The following WASHC2A variants were observed in gnomAD, a reference collection of about 807,000 sequenced individuals.
WASHC2A encodes WASH complex subunit FAM21A.
A neutral mutation model predicts 140.3 loss-of-function variants in WASHC2A; 82 were observed. That is an observed-to-expected ratio of 0.58 (90% CI 0.49 to 0.70). WASHC2A has a LOEUF of 0.70. WASHC2A is among the 30% of genes least tolerant of loss of function. The probability of loss-of-function intolerance (pLI) is 0.00; values close to 1 mark genes in which losing one functional copy is unlikely to be tolerated. For synonymous variants in WASHC2A, 340 were observed against 560.8 expected (o/e 0.61, Z 5.56); for missense variants, 985 against 1,521.8 (o/e 0.65, Z 5.87).
intron 20 of WASHC2A, among the ~76,000 whole-genome samples, chr10:50,110,749 C>T (rs1363924601): frequency 1.3e-4 from 19 of 151,568 alleles, no homozygotes; most frequent in African/African-American, 2.7e-4. Context: ...AAAAATTAGC[C>T]GGGTGTGGTG....
chr10:50,081,639 C>CT (rs576698406), intron 5 of WASHC2A, among the ~76,000 whole-genome samples: 77 of 139,802 alleles, frequency 5.5e-4, no homozygotes, highest in East Asian at 6.2e-4. Context: ...GAACCAAACC[C>CT]TTTTTTTTTT....
At chr10:50,101,967 G>A (rs1411251640) in intron 17 of WASHC2A, among the ~76,000 whole-genome samples, 1 of 152,178 alleles carries the variant, frequency 6.6e-6, no homozygotes, top group African/African-American at 2.4e-5. Flanking sequence ...GAGAGAGCCC[G>A]ATGGAGGCCA....
intron 30 of WASHC2A, 70 bp downstream of exon 30, chr10:50,131,148 C>A: frequency 1.9e-6 from 3 of 1,611,636 alleles, no homozygotes; most frequent in Non-Finnish European, 2.5e-6. Context: ...TTTCTTGCTA[C>A]CTTTTCTTGG....
In WASHC2A at chr10:50,084,160, G is replaced by T. The variant is rs1437377151; in HGVS notation, c.617G>T (p.Ser206Ile). ...QEDVGLGELS[S>I]EEGSVGSDRG... Reference sequence around the variant, plus strand: ...GATGTAGGTCTTGGAGAGCTGTCCAGTGAAGGTACTTTTCTTCACCAAATA... The same window carrying T: ...GATGTAGGTCTTGGAGAGCTGTCCATTGAAGGTACTTTTCTTCACCAAATA... The change falls in exon 6 of 31, where the codon AGT becomes ATT. Residue 206 changes from serine to isoleucine, a missense_variant. Physicochemically the swap from Ser to Ile is moderately radical, Grantham distance 142. Transcript: ENST00000282633. The T allele has an allele frequency of 2.5e-6, 4 of 1,611,282 alleles. No individual in the cohort carries two copies. In the African/African-American group the frequency reaches 5.4e-5, roughly 22 times the overall value.
At chr10:50,112,118 C>A (rs1261150201) in intron 20 of WASHC2A, 1 of 984,866 alleles carries the variant, frequency 1.0e-6, no homozygotes, top group Non-Finnish European at 1.2e-6. Context: ...CATACCCCAA[C>A]ACCCTCAGCT....
intron 23 of WASHC2A, among the ~76,000 whole-genome samples, chr10:50,124,153 G>T (rs1843218944): frequency 6.6e-6 from 1 of 152,068 alleles, no homozygotes; most frequent in South Asian, 2.1e-4. Flanking sequence ...TGCCCAGGCT[G>T]GAGTGCAGTG....
At chr10:50,129,325 C>G (rs1843722672) in intron 28 of WASHC2A, 94 bp from the exon 29 acceptor site, 1 of 1,602,988 alleles carries the variant, frequency 6.2e-7, no homozygotes, top group Admixed American at 1.7e-5. Flanking sequence ...GACCAGATAA[C>G]CTTACAATAT....
At chr10:50,109,716 A>C (rs1479731239) in intron 19 of WASHC2A, among the ~76,000 whole-genome samples, 13 of 152,194 alleles carry the variant, frequency 8.5e-5, no homozygotes, top group African/African-American at 2.7e-4. Context: ...ACTTAGTTTA[A>C]CAAATATAAG....
chr10:50,126,378 A>G (rs1252641932), intron 26 of WASHC2A, 199 bp downstream of exon 26: 12 of 692,568 alleles, frequency 1.7e-5, no homozygotes, highest in Non-Finnish European at 2.6e-5. Context: ...TCATGAATCT[A>G]TACTTTAATA....
intron 3 of WASHC2A, among the ~76,000 whole-genome samples, chr10:50,076,986 A>G (rs1364362639): frequency 3.9e-5 from 6 of 151,954 alleles, no homozygotes; most frequent in Admixed American, 6.6e-5. Flanking sequence ...CATGGGTGGC[A>G]GGCACCTGTA....
At position 50,082,058 on chromosome 10, in the gene WASHC2A, GTA is replaced by G. The variant is rs573972009; in HGVS notation, c.528+1129_528+1130del. On this transcript the variant is annotated intron_variant, in intron 5 of 30. Transcript: ENST00000282633. ...TACACTTGCTGCTTGGATTTTCACT[GTA>G]TGCCTTTAAAAGTCAGCAGTGGACT... Among the ~76,000 whole-genome samples the G allele has an allele frequency of 5.9e-4, 89 of 152,126 alleles. 2 individuals carry two copies. The East Asian group carries it at 0.017, about 29-fold the overall frequency.
intron 3 of WASHC2A, among the ~76,000 whole-genome samples, chr10:50,076,317 G>A (rs1483440337): frequency 6.6e-6 from 1 of 152,170 alleles, no homozygotes; most frequent in Admixed American, 6.5e-5. Context: ...ATTAGCGTTT[G>A]ATTGGAATTG....
At chr10:50,105,079 G>C (rs1445001822) in intron 18 of WASHC2A, among the ~76,000 whole-genome samples, 17 of 152,018 alleles carry the variant, frequency 1.1e-4, no homozygotes, top group African/African-American at 3.9e-4. Flanking sequence ...TGTCATTCAG[G>C]GTCAGCTGTA....
chr10:50,069,915 T>C (rs1837646740), intron 3 of WASHC2A, among the ~76,000 whole-genome samples: 1 of 152,230 alleles, frequency 6.6e-6, no homozygotes, highest in African/African-American at 2.4e-5. Flanking sequence ...AGTCTAATGA[T>C]AACATTTTCT....
intron 3 of WASHC2A, among the ~76,000 whole-genome samples, chr10:50,072,525 C>T (rs1379116383): frequency 5.4e-5 from 6 of 111,710 alleles, no homozygotes; most frequent in Admixed American, 1.3e-4. Flanking sequence ...CTCACTCTGT[C>T]GCCCAGACTG....
At chr10:50,120,655 C>T (rs1224543176) in intron 23 of WASHC2A, among the ~76,000 whole-genome samples, 2 of 144,578 alleles carry the variant, frequency 1.4e-5, no homozygotes, top group African/African-American at 2.8e-5. Context: ...GATGGTCATT[C>T]TGTGAGGTTA....
chr10:50,088,059 T>A (rs1839542639), intron 8 of WASHC2A, among the ~76,000 whole-genome samples: 1 of 151,762 alleles, frequency 6.6e-6, no homozygotes, highest in Admixed American at 6.6e-5. Flanking sequence ...CCTCAGGTAA[T>A]CCACCCACCT....
rs1554892888 is a variant in WASHC2A at position 50,119,758 on chromosome 10, G to T, written c.2467G>T (p.Glu823Ter). The change falls in exon 23 of 31, where the codon GAA becomes TAA. Residue 823 changes from glutamate (E) to a stop codon, truncating the protein, a stop_gained. Coordinates refer to ENST00000282633, the MANE Select transcript of WASHC2A (RefSeq NM_001005751.3). LOFTEE classifies it high-confidence loss of function. ...AAACATTATCCAGGCTCCACAGAAA[G>T]AAGTAGGAAAGGTAAGCAAAAAGCA... ...DQNIIQAPQK[E>*]VGKGRDPDAH... The T allele has an allele frequency of 5.0e-6, 8 of 1,606,994 alleles. No homozygotes were observed. The South Asian group carries it at 8.8e-5, about 18-fold the overall frequency.
chr10:50,072,056 C>A (rs1837882337), intron 3 of WASHC2A, among the ~76,000 whole-genome samples: 1 of 132,970 alleles, frequency 7.5e-6, no homozygotes, highest in Non-Finnish European at 1.6e-5. Context: ...TTACAGGCTC[C>A]CGCCACCAGG....
Sources: gnomAD v4.1 joint callset for allele counts (sites outside exome capture counted in the v4.1 genomes callset) on GRCh38, gnomAD v4.1.1 for gene constraint, MANE v1.5 for transcripts, NCBI Gene and HGNC (gene_info 2026-07-23, HGNC 2026-07-21) for gene names.